Variants in ADGRB3 observed in about 807,000 individuals in gnomAD.
ADGRB3 encodes brain-specific angiogenesis inhibitor 3.
ADGRB3 carries 37 observed loss-of-function variants against 193.4 expected under a neutral mutation model. That is an observed-to-expected ratio of 0.19 (90% CI 0.15 to 0.25). The LOEUF (loss-of-function observed/expected upper bound fraction) is 0.25, where lower values mean the gene tolerates loss of function less well. Among genes scored for constraint, ADGRB3 ranks in the 10% least tolerant of loss-of-function variants. The probability of loss-of-function intolerance (pLI) is 1.00; values close to 1 mark genes in which losing one functional copy is unlikely to be tolerated. For missense variants in ADGRB3, 1,637 were observed against 1,852.9 expected (o/e 0.88, Z 2.14); for synonymous variants, 690 against 644.2 (o/e 1.07, Z -1.08).
intron 8 of ADGRB3, among the ~76,000 whole-genome samples, chr6:68,959,968 A>G (rs542796191): frequency 6.6e-6 from 1 of 152,242 alleles, no homozygotes; most frequent in Admixed American, 6.5e-5. Flanking sequence ...AATGTCATAC[A>G]TAATATTTTT....
At chr6:69,282,723 G>A (rs375896118) in intron 20 of ADGRB3, among the ~76,000 whole-genome samples, 506 of 152,166 alleles carry the variant, frequency 3.3e-3, no homozygotes, top group Non-Finnish European at 3.7e-3. Context: ...GAATCTATGG[G>A]GTGGGAACAT....
intron 3 of ADGRB3, among the ~76,000 whole-genome samples, chr6:68,691,592 G>A (rs1051029649): frequency 2.0e-5 from 3 of 151,820 alleles, no homozygotes; most frequent in African/African-American, 7.3e-5. Flanking sequence ...ATTGACTTTT[G>A]TTGTCACTAT....
intron 17 of ADGRB3, among the ~76,000 whole-genome samples, chr6:69,227,222 A>G (rs945759615): frequency 4.6e-5 from 7 of 152,290 alleles, no homozygotes; most frequent in African/African-American, 1.7e-4. Flanking sequence ...AAAGGCCAAT[A>G]AGGAGCTCAG....
At chr6:69,311,673 A>G (rs1382301307) in intron 20 of ADGRB3, among the ~76,000 whole-genome samples, 1 of 151,758 alleles carries the variant, frequency 6.6e-6, no homozygotes, top group Non-Finnish European at 1.5e-5. Context: ...ATTTATTTAC[A>G]TCAACACCCA....
At chr6:69,378,182 A>T (rs1381271626) in intron 30 of ADGRB3, among the ~76,000 whole-genome samples, 1 of 152,086 alleles carries the variant, frequency 6.6e-6, no homozygotes, top group Non-Finnish European at 1.5e-5. Context: ...AGCCATTAAA[A>T]ATATAATTGC....
At chr6:69,252,964 T>A (rs113125733) in intron 20 of ADGRB3, among the ~76,000 whole-genome samples, 1 of 152,038 alleles carries the variant, frequency 6.6e-6, no homozygotes, top group East Asian at 1.9e-4. Flanking sequence ...AAATTAATTT[T>A]TGTGTGTTAT....
At chr6:68,990,351 C>T (rs868719396) in intron 10 of ADGRB3, among the ~76,000 whole-genome samples, 5 of 152,022 alleles carry the variant, frequency 3.3e-5, no homozygotes, top group African/African-American at 4.8e-5. Context: ...ATAAAGACAA[C>T]GAATAGTCTC....
At position 69,239,171 on chromosome 6, in the gene ADGRB3, C is replaced by T. The variant is rs1766334434; in HGVS notation, c.2759C>T (p.Ser920Phe). 1 of 1,603,644 alleles carries T rather than the reference C, an allele frequency of 6.2e-7. No homozygotes were observed. Among genetic ancestry groups the T allele is most frequent in the African/African-American group, 1.3e-5 (1 of 74,504 alleles). ...ATAATACTAATTAACTTCTGCCTGT[C>T]TATCATCTCATCCAATATCCTCATA... ...RSIILINFCL[S>F]IISSNILILV... Residue 920 changes from serine to phenylalanine, a missense_variant, in exon 20 of 32, where the codon TCT becomes TTT. By Grantham distance (155) the Ser-to-Phe change is radical (BLOSUM62 -2). Transcript: ENST00000370598.
At chr6:69,077,357 C>T (rs976427985) in intron 17 of ADGRB3, among the ~76,000 whole-genome samples, 5 of 149,502 alleles carry the variant, frequency 3.3e-5, no homozygotes, top group African/African-American at 4.9e-5. Flanking sequence ...TGAATGTTTT[C>T]GGCCCAAGAA....
intron 5 of ADGRB3, among the ~76,000 whole-genome samples, chr6:68,941,675 A>T (rs9765867): frequency 8.4e-5 from 12 of 143,576 alleles, no homozygotes; most frequent in Middle Eastern, 3.5e-3. Context: ...TTTTTAAAAT[A>T]GGAGGAGAAA....
At chr6:68,653,249 A>G (rs965992131) in intron 3 of ADGRB3, among the ~76,000 whole-genome samples, 3 of 152,162 alleles carry the variant, frequency 2.0e-5, no homozygotes, top group Non-Finnish European at 2.9e-5. Context: ...GTGAGGCATG[A>G]GCAAGGAATA....
chr6:68,996,741 A>G lies in ADGRB3; in HGVS notation c.1929+2779A>G, dbSNP rs565554365. Among the ~76,000 whole-genome samples the G allele has an allele frequency of 3.3e-5, 5 of 152,200 alleles. No homozygotes were observed. The East Asian group carries it at 9.7e-4, about 29-fold the overall frequency. Reference sequence around the variant, plus strand: ...CATTTCCTCTTCTGCATCTCATCATATCTTGTAGTATCAGCACTAATTAGC... The same window carrying G: ...CATTTCCTCTTCTGCATCTCATCATGTCTTGTAGTATCAGCACTAATTAGC... On this transcript the variant is annotated intron_variant, in intron 11 of 31. Transcript: ENST00000370598.
chr6:68,858,430 G>C (rs572897754), intron 3 of ADGRB3, among the ~76,000 whole-genome samples: 1 of 151,188 alleles, frequency 6.6e-6, no homozygotes, highest in Non-Finnish European at 1.5e-5. Context: ...TGTGAACTCA[G>C]GAGGTGGAGG....
At chr6:68,670,060 G>A (rs1768906829) in intron 3 of ADGRB3, among the ~76,000 whole-genome samples, 1 of 151,816 alleles carries the variant, frequency 6.6e-6, no homozygotes, top group African/African-American at 2.4e-5. Context: ...TGCCATTTGT[G>A]TTCTTTCTTT....
In ADGRB3 at chr6:68,788,079, A is replaced by G. The variant is rs527932445; in HGVS notation, c.758-142480A>G. Among the ~76,000 whole-genome samples, 12 of 152,016 alleles carry G rather than the reference A, an allele frequency of 7.9e-5. No individual in the cohort carries two copies. The South Asian group carries it at 2.3e-3, about 29-fold the overall frequency. ...TATTAGTCTTGCCAGCAGTCTATCA[A>G]TTTTGTTGATCTTTTCAAAAAACCA... On this transcript the variant is annotated intron_variant, in intron 3 of 31. Coordinates refer to ENST00000370598, the MANE Select transcript of ADGRB3 (RefSeq NM_001704.3).
intron 3 of ADGRB3, among the ~76,000 whole-genome samples, chr6:68,700,317 AT>A (rs935488312): frequency 4.6e-5 from 7 of 151,800 alleles, no homozygotes; most frequent in South Asian, 2.1e-4. Context: ...CAAACATTAC[AT>A]TTTTTTTCCC....
chr6:69,143,154 T>C (rs777457784), intron 17 of ADGRB3, among the ~76,000 whole-genome samples: 2 of 152,238 alleles, frequency 1.3e-5, no homozygotes, highest in Non-Finnish European at 2.9e-5. Context: ...CACCTTTTCA[T>C]ATACCAGTTT....
rs186126247 is a variant in ADGRB3 at position 68,880,372 on chromosome 6, T to C, written c.758-50187T>C. On this transcript the variant is annotated intron_variant, in intron 3 of 31. Coordinates refer to ENST00000370598, the MANE Select transcript of ADGRB3 (RefSeq NM_001704.3). ...TTTCCTATACAACTATATGCTACTGTCACTTTAATAAAGGAAATAACATGC... is the reference window on the plus strand; with the variant it reads ...TTTCCTATACAACTATATGCTACTGCCACTTTAATAAAGGAAATAACATGC... Among the ~76,000 whole-genome samples, 3 of 152,360 alleles carry C rather than the reference T, an allele frequency of 2.0e-5. No individual in the cohort carries two copies. The East Asian group carries it at 5.8e-4, about 29-fold the overall frequency.
At chr6:68,884,895 C>T (rs1395374809) in intron 3 of ADGRB3, among the ~76,000 whole-genome samples, 1 of 152,072 alleles carries the variant, frequency 6.6e-6, no homozygotes, top group Non-Finnish European at 1.5e-5. Flanking sequence ...GCTTCCTATA[C>T]CTCCTAGAAG....
Sources: gnomAD v4.1 joint callset for allele counts (sites outside exome capture counted in the v4.1 genomes callset) on GRCh38, gnomAD v4.1.1 for gene constraint, MANE v1.5 for transcripts, NCBI Gene and HGNC (gene_info 2026-07-23, HGNC 2026-07-21) for gene names.